The following MYO1E variants were observed in gnomAD, a reference collection of about 807,000 sequenced individuals.
MYO1E encodes the protein myosin IE.
MYO1E carries 68 observed loss-of-function variants against 151.1 expected under a neutral mutation model. The ratio of observed to expected loss-of-function variants is 0.45; its 90% CI spans 0.37 to 0.55. MYO1E has a LOEUF of 0.55. Among genes scored for constraint, MYO1E ranks in the 20% least tolerant of loss-of-function variants. The pLI, the probability that MYO1E is intolerant of heterozygous loss-of-function variation, is 0.00. For synonymous variants in MYO1E, 601 were observed against 501.7 expected, an observed-to-expected ratio of 1.20 and a Z score of -2.64; for missense variants, 1,363 against 1,389.3, an observed-to-expected ratio of 0.98 and a Z score of 0.30.
intron 1 of MYO1E, among the ~76,000 whole-genome samples, chr15:59,282,989 A>G (rs1278895000): frequency 1.4e-4 from 13 of 89,974 alleles, no homozygotes; most frequent in East Asian, 4.0e-4. Flanking sequence ...GAAAGGGGAA[A>G]GGGGAAAGGG....
intron 26 of MYO1E, among the ~76,000 whole-genome samples, chr15:59,140,625 C>A (rs2079403398): frequency 6.6e-6 from 1 of 152,186 alleles, no homozygotes; most frequent in East Asian, 1.9e-4. Flanking sequence ...CTGGAAAGAA[C>A]AACCACACCC....
intron 26 of MYO1E, among the ~76,000 whole-genome samples, chr15:59,150,916 A>G (rs1418486088): frequency 6.6e-6 from 1 of 152,102 alleles, no homozygotes; most frequent in Non-Finnish European, 1.5e-5. Flanking sequence ...CTACTGGTTT[A>G]GACCAAGCCA....
chr15:59,174,329 T>C (rs2140317524), intron 19 of MYO1E, 89 bp from the exon 20 acceptor site: 1 of 920,956 alleles, frequency 1.1e-6, no homozygotes, highest in African/African-American at 1.6e-5. Context: ...GACCCTCAGT[T>C]TAGACAATGA....
chr15:59,152,368 T>A (rs979548916), intron 26 of MYO1E, among the ~76,000 whole-genome samples: 2 of 152,124 alleles, frequency 1.3e-5, no homozygotes, highest in Non-Finnish European at 2.9e-5. Flanking sequence ...TCCATGGTGC[T>A]GGAGACAGGA....
rs200713174 is a variant in MYO1E at position 59,272,284 on chromosome 15, C to G, written c.147+22G>C. On this transcript the variant is annotated intron_variant, in intron 2 of 27. Transcript: ENST00000288235. ...CACTGTAATATCACTTAGAAATGTCCAAAGCAGCCAATAAAGGATACAAAA... is the reference window on the plus strand; with the variant it reads ...CACTGTAATATCACTTAGAAATGTCGAAAGCAGCCAATAAAGGATACAAAA... The G allele has an allele frequency of 1.4e-3, 2,276 of 1,613,200 alleles. 3 individuals carry two copies. The highest frequency in any genetic ancestry group is 4.4e-3 in the Middle Eastern group (26 of 5,944).
chr15:59,268,718 G>GTTTTTTTTTTT (rs1452818863), intron 2 of MYO1E, among the ~76,000 whole-genome samples: 16 of 12,052 alleles, frequency 1.3e-3, no homozygotes, highest in East Asian at 2.0e-3. Context: ...GGTGACTTTG[G>GTTTTTTTTTTT]TATTTTTTTT....
chr15:59,306,243 T>C lies in MYO1E; in HGVS notation c.4-33794A>G, dbSNP rs1036613193. Among the ~76,000 whole-genome samples the C allele has an allele frequency of 2.6e-5, 4 of 152,252 alleles. 1 individual carries two copies. Among genetic ancestry groups the C allele is most frequent in the South Asian group, 2.1e-4 (1 of 4,832 alleles). On this transcript the variant is annotated intron_variant, in intron 1 of 27. Transcript: ENST00000288235. ...AAAAAATCTGTTGTAGATTATTACATGTACATTATTATAGATTACCTGATT... is the reference window on the plus strand; with the variant it reads ...AAAAAATCTGTTGTAGATTATTACACGTACATTATTATAGATTACCTGATT...
In MYO1E at chr15:59,210,554, A is replaced by T. The variant is rs751190700; in HGVS notation, c.1322T>A (p.Phe441Tyr). 6.2e-7 allele frequency: 1 copy of T among 1,605,980 alleles called. No homozygotes were observed. Among genetic ancestry groups the T allele is most frequent in the Non-Finnish European group, 8.5e-7 (1 of 1,172,542 alleles). ...EGIRWTPIEY[F>Y]NNKIVCDLIE... Reference sequence around the variant, plus strand: ...GAGGTCACATACGATTTTATTATTAAAGTACTCAATGGGTGTCCATCTTAT... The same window carrying T: ...GAGGTCACATACGATTTTATTATTATAGTACTCAATGGGTGTCCATCTTAT... The change falls in exon 13 of 28, where the codon TTT becomes TAT. Residue 441 changes from phenylalanine to tyrosine, a missense_variant. Physicochemically the swap from Phe to Tyr is conservative, Grantham distance 22 (BLOSUM62 3). Transcript: ENST00000288235.
chr15:59,328,090 T>A lies in MYO1E; in HGVS notation c.3+44408A>T, dbSNP rs117689755. ...AACACAAAGCTCCATGGTGGGGGGG[T>A]TCCCCCTCTCAAAGGAGATGGGGCT... On this transcript the variant is annotated intron_variant, in intron 1 of 27. Transcript: ENST00000288235. Among the ~76,000 whole-genome samples the A allele has an allele frequency of 4.8e-3, 725 of 152,014 alleles. 17 individuals carry two copies. The highest frequency in any genetic ancestry group is 0.029 in the East Asian group (151 of 5,152).
chr15:59,300,978 C>T (rs574325414), intron 1 of MYO1E, among the ~76,000 whole-genome samples: 1 of 151,366 alleles, frequency 6.6e-6, no homozygotes, highest in South Asian at 2.1e-4. Context: ...AGAGATTCTC[C>T]TGCCTCAGCC....
chr15:59,362,075 G>A (rs1342554554), intron 1 of MYO1E, among the ~76,000 whole-genome samples: 1 of 152,080 alleles, frequency 6.6e-6, no homozygotes, highest in East Asian at 1.9e-4. Flanking sequence ...GACCTCAGGT[G>A]ATCCACCCGC....
intron 1 of MYO1E, among the ~76,000 whole-genome samples, chr15:59,321,650 A>C (rs1264942883): frequency 6.6e-6 from 1 of 152,220 alleles, no homozygotes; most frequent in East Asian, 1.9e-4. Flanking sequence ...ATGGACATAA[A>C]GATGGCACCA....
At chr15:59,216,680 A>G (rs1358751451) in intron 10 of MYO1E, among the ~76,000 whole-genome samples, 33 of 7,108 alleles carry the variant, frequency 4.6e-3, no homozygotes, top group African/African-American at 6.1e-3. Context: ...ATATATATAT[A>G]TATATACACA....
chr15:59,218,875 T>C lies in MYO1E; in HGVS notation c.911-788A>G, dbSNP rs533996058. On this transcript the variant is annotated intron_variant, in intron 9 of 27. Transcript: ENST00000288235. ...GGAAGCAGAAGTGTGGGAGACATGA[T>C]CAAGACGAGACGGTCTACAGTGTGT... Among the ~76,000 whole-genome samples the C allele has an allele frequency of 5.3e-5, 8 of 152,166 alleles. No individual in the cohort carries two copies. In the South Asian group the frequency reaches 1.0e-3, roughly 20 times the overall value.
chr15:59,207,657 C>G (rs765492175), intron 14 of MYO1E: 1 of 1,614,098 alleles, frequency 6.2e-7, no homozygotes, highest in East Asian at 2.2e-5. Context: ...GATGGATCCT[C>G]GGAGAGCATG....
chr15:59,205,041 G>A (rs2079824439), intron 15 of MYO1E, among the ~76,000 whole-genome samples: 2 of 152,216 alleles, frequency 1.3e-5, no homozygotes, highest in Non-Finnish European at 2.9e-5. Context: ...GACTGATATA[G>A]AGAAAAGAAA....
intron 17 of MYO1E, among the ~76,000 whole-genome samples, chr15:59,195,199 G>C (rs570477365): frequency 6.6e-6 from 1 of 152,076 alleles, no homozygotes; most frequent in South Asian, 2.1e-4. Context: ...GTTATGTTTT[G>C]TTTTTTTTCC....
chr15:59,300,296 G>GCGCA (rs1555418153), intron 1 of MYO1E, among the ~76,000 whole-genome samples: 7 of 149,992 alleles, frequency 4.7e-5, no homozygotes, highest in African/African-American at 1.5e-4. Context: ...CCCAGCACGC[G>GCGCA]CACACACACA....
At chr15:59,304,301 G>A (rs776315153) in intron 1 of MYO1E, among the ~76,000 whole-genome samples, 10 of 152,138 alleles carry the variant, frequency 6.6e-5, no homozygotes, top group African/African-American at 9.7e-5. Context: ...TTTTCTATAT[G>A]AGAAAGGTGA....
Sources: allele counts gnomAD v4.1 joint callset (sites outside exome capture counted in the v4.1 genomes callset), GRCh38; gene constraint gnomAD v4.1.1; transcripts MANE v1.5; gene names NCBI Gene and HGNC (gene_info 2026-07-23, HGNC 2026-07-21).